Variants in BOK observed in about 807,000 individuals in gnomAD.
BOK encodes bcl-2-related ovarian killer protein.
In BOK, 20 loss-of-function variants were observed where a neutral mutation model predicts 18.3. That is an observed-to-expected ratio of 1.09 (90% CI 0.77 to 1.59). The LOEUF (loss-of-function observed/expected upper bound fraction) is 1.59, where lower values mean the gene tolerates loss of function less well. BOK is among the 40% of genes most tolerant of loss of function. BOK has a pLI of 0.00. For missense variants in BOK, 348 were observed against 307.9 expected (o/e 1.13, Z -0.97); for synonymous variants, 173 against 142.4 (o/e 1.21, Z -1.53).
chr2:241,570,119 C>T lies in BOK; in HGVS notation c.350-6C>T, dbSNP rs753677759. On this transcript the variant is annotated splice_region_variant and splice_polypyrimidine_tract_variant and intron_variant, in intron 3 of 4. Transcript: ENST00000318407. ...GTCCTGATCTTGACCATCTCTCTCC[C>T]TGCAGGCATCACGTGGGGCAAGGTG... 2 of 1,610,806 alleles carry T rather than the reference C, an allele frequency of 1.2e-6. No individual in the cohort carries two copies. The highest frequency in any genetic ancestry group is 1.7e-6 in the Non-Finnish European group (2 of 1,179,114).
intron 2 of BOK, chr2:241,560,314 C>CT: frequency 1.0e-6 from 1 of 975,534 alleles, no homozygotes; most frequent in Non-Finnish European, 1.2e-6. Context: ...GTCCAGTCCC[C>CT]TCACCACAGC....
In BOK at chr2:241,562,376, C is replaced by T. The variant is rs372094266; in HGVS notation, c.249C>T (p.Ser83=). Residue 83 remains serine, a synonymous_variant, in exon 3 of 5, where the codon AGC becomes AGT. Coordinates refer to ENST00000318407, the MANE Select transcript of BOK (RefSeq NM_032515.5). This position sits in a 1 kb window ranked among gnomAD's most constrained non-coding sequence, Gnocchi z 4.5. The part of the protein sequence containing the change: ...LGDELEMIRP[S]VYRNVARQLH... ...ATGAGCTGGAGATGATCCGGCCCAG[C>T]GTCTACCGCAACGTGGCGCGTCAGC... is the stretch of plus-strand genomic sequence containing the variant. 9.3e-6 allele frequency: 15 copies of T among 1,610,244 alleles called. No individual in the cohort carries two copies. Among genetic ancestry groups the T allele is most frequent in the South Asian group, 3.3e-5 (3 of 90,840 alleles).
intron 1 of BOK, among the ~76,000 whole-genome samples, 167 bp downstream of exon 1, chr2:241,559,160 C>G (rs1053133206): frequency 4.6e-5 from 7 of 151,090 alleles, no homozygotes; most frequent in Admixed American, 3.9e-4. Context: ...CTGGGCTGTG[C>G]CCTCCGCCCC....
intron 1 of BOK, among the ~76,000 whole-genome samples, chr2:241,551,817 G>A (rs1405766174): frequency 6.6e-6 from 1 of 152,176 alleles, no homozygotes; most frequent in Non-Finnish European, 1.5e-5. Context: ...TTCGACCGCA[G>A]CGAGGGTGGG....
intron 3 of BOK, among the ~76,000 whole-genome samples, chr2:241,564,522 G>A (rs2066580778): frequency 1.3e-5 from 2 of 151,406 alleles, no homozygotes; most frequent in Admixed American, 6.6e-5. Flanking sequence ...GGCTGGGGGT[G>A]CATATGGGTA....
At chr2:241,563,906 G>A (rs557187338) in intron 3 of BOK, among the ~76,000 whole-genome samples, 11 of 152,346 alleles carry the variant, frequency 7.2e-5, no homozygotes, top group Admixed American at 2.0e-4. Context: ...ACTGCCTCTC[G>A]CTCAGGCAGA....
At chr2:241,569,473 CCTTT>C (rs1242752749) in intron 3 of BOK, among the ~76,000 whole-genome samples, 1 of 152,152 alleles carries the variant, frequency 6.6e-6, no homozygotes, top group Non-Finnish European at 1.5e-5. Flanking sequence ...TTTTAATTTG[CCTTT>C]CTTTGGTTAT....
upstream of BOK, among the ~76,000 whole-genome samples, chr2:241,553,911 C>T (rs2066432359): frequency 6.6e-6 from 1 of 152,166 alleles, no homozygotes. Flanking sequence ...GGAAGCCTTC[C>T]AAGACCGGCA....
At chr2:241,568,440 T>C (rs1425647204) in intron 3 of BOK, among the ~76,000 whole-genome samples, 1 of 151,222 alleles carries the variant, frequency 6.6e-6, no homozygotes, top group Non-Finnish European at 1.5e-5. Context: ...TTTTTTGAGA[T>C]AGAATCTTGC....
intron 1 of BOK, among the ~76,000 whole-genome samples, chr2:241,551,969 G>A (rs568566035): frequency 6.6e-5 from 10 of 152,342 alleles, no homozygotes; most frequent in East Asian, 3.9e-4. Context: ...GGCAGAGTTT[G>A]AAGATGGGGG....
At position 241,572,571 on chromosome 2, in the gene BOK, G is replaced by A. The variant is rs1245863243; in HGVS notation, c.*149G>A. On this transcript the variant is annotated 3_prime_UTR_variant, in exon 5 of 5. Coordinates refer to ENST00000318407, the MANE Select transcript of BOK (RefSeq NM_032515.5). Reference sequence around the variant, plus strand: ...TAAGCCCCGTTCCTCCGCAGACCCAGGCCCTCCGGAAGGGGTGAGTGGGGA... The same window carrying A: ...TAAGCCCCGTTCCTCCGCAGACCCAAGCCCTCCGGAAGGGGTGAGTGGGGA... 2 of 1,274,010 alleles carry A rather than the reference G, an allele frequency of 1.6e-6. No individual in the cohort carries two copies. Among genetic ancestry groups the A allele is most frequent in the Non-Finnish European group, 2.1e-6 (2 of 940,932 alleles). 78.9% of individuals were successfully genotyped at this position (1,274,010 alleles called of 1,614,324 possible). A position where few individuals can be genotyped will look rare whatever the true frequency, so the allele number is the denominator to read the frequency against.
In BOK at chr2:241,562,220, C is replaced by T. The variant is rs926301473; in HGVS notation, c.221-128C>T. 6 of 1,249,736 alleles carry T rather than the reference C, an allele frequency of 4.8e-6. No individual in the cohort carries two copies. In the Admixed American group the frequency reaches 1.3e-4, roughly 27 times the overall value. 77.4% of individuals were successfully genotyped at this position (1,249,736 alleles called of 1,614,324 possible). A position where few individuals can be genotyped will look rare whatever the true frequency, so the allele number is the denominator to read the frequency against. On this transcript the variant is annotated intron_variant, in intron 2 of 4. Coordinates refer to ENST00000318407, the MANE Select transcript of BOK (RefSeq NM_032515.5). The surrounding 1 kb of genome is among the most constrained non-coding windows in gnomAD (Gnocchi z 4.5). ...GGGTCAAGTGGAGGTGGGAATCAGA[C>T]AAGTGAGGAACAGGCTGGAATTCAA...
At chr2:241,564,777 C>T (rs533245465) in intron 3 of BOK, among the ~76,000 whole-genome samples, 2 of 152,276 alleles carry the variant, frequency 1.3e-5, no homozygotes, top group African/African-American at 4.8e-5. Flanking sequence ...GACGCCGGCG[C>T]GTGGGTGGCC....
intron 2 of BOK, among the ~76,000 whole-genome samples, chr2:241,561,268 T>C (rs991835615): frequency 1.3e-5 from 2 of 152,256 alleles, no homozygotes; most frequent in Admixed American, 6.5e-5. Context: ...GCCCCGTGCC[T>C]GTGCGCTGCT....
At chr2:241,564,063 C>T (rs999301261) in intron 3 of BOK, among the ~76,000 whole-genome samples, 18 of 152,222 alleles carry the variant, frequency 1.2e-4, no homozygotes, top group Admixed American at 5.2e-4. Context: ...TGACAGAATC[C>T]GGCCTCTCCA....
rs982838565 is a variant in BOK, at chr2:241,572,319, T to A, written c.536T>A (p.Val179Asp). 3.7e-6 allele frequency: 6 copies of A among 1,611,588 alleles called. No individual in the cohort carries two copies. The highest frequency in any genetic ancestry group is 5.1e-6 in the Non-Finnish European group (6 of 1,179,898). ...CAGACTGATGTCCTCAAGTGTGTGG[T>A]CAGCACAGACCCTGGCCTCCGCTCC... ...GGWTDVLKCVVSTDPGLRSHW... is the reference protein window; with the variant it reads ...GGWTDVLKCVDSTDPGLRSHW... The change falls in exon 5 of 5, where the codon GTC (valine) becomes GAC (aspartate). Residue 179 changes from valine to aspartate, a missense_variant. Coordinates refer to ENST00000318407, the MANE Select transcript of BOK (RefSeq NM_032515.5).
intron 1 of BOK, among the ~76,000 whole-genome samples, chr2:241,552,337 C>T (rs1405837216): frequency 7.6e-6 from 1 of 132,078 alleles, no homozygotes; most frequent in African/African-American, 2.5e-5. Context: ...ACCCGCAGCA[C>T]GCCCTGCACT....
At chr2:241,567,314 A>T (rs1252518414) in intron 3 of BOK, among the ~76,000 whole-genome samples, 1 of 132,798 alleles carries the variant, frequency 7.5e-6, no homozygotes, top group Non-Finnish European at 1.6e-5. Context: ...TTTAGTAGAG[A>T]TGGGGTTTCA....
At chr2:241,557,872 G>C (rs1233700057), upstream of BOK, among the ~76,000 whole-genome samples, 3 of 152,140 alleles carry the variant, frequency 2.0e-5, no homozygotes, top group Admixed American at 6.6e-5. Flanking sequence ...GAGATTTGCT[G>C]AGACTTGTAT....
Sources: allele counts gnomAD v4.1 joint callset (sites outside exome capture counted in the v4.1 genomes callset), GRCh38; gene constraint gnomAD v4.1.1; non-coding constraint Gnocchi (gnomAD v3.1); transcripts MANE v1.5; gene names NCBI Gene and HGNC (gene_info 2026-07-23, HGNC 2026-07-21).